The following COG3 variants were observed in gnomAD, a reference collection of about 807,000 sequenced individuals.
The protein encoded by COG3 is component of oligomeric golgi complex 3, also known as conserved oligomeric Golgi complex subunit 3.
Under a neutral mutation model 114.1 loss-of-function variants are expected in COG3, and 32 were observed. That is an observed-to-expected ratio of 0.28 (90% confidence interval 0.21 to 0.38). COG3 has a LOEUF of 0.38. COG3 is among the 10% of genes least tolerant of loss of function. COG3 has a pLI of 1.00. For missense variants in COG3, 813 were observed against 973.2 expected (o/e 0.84, Z 2.19); for synonymous variants, 352 against 365.7 (o/e 0.96, Z 0.43).
chr13:45,530,602 A>G lies in COG3; in HGVS notation c.2359-80A>G, dbSNP rs890153752. 9 of 877,066 alleles carry G rather than the reference A, an allele frequency of 1.0e-5. No homozygotes were observed. The African/African-American group carries it at 1.3e-4, about 13-fold the overall frequency. 54.3% of individuals were successfully genotyped at this position (877,066 alleles called of 1,614,324 possible). On this transcript the variant is annotated intron_variant, in intron 21 of 22. Coordinates refer to ENST00000349995, the MANE Select transcript of COG3 (RefSeq NM_031431.4). ...ACATCGCTTCCACTCGCTTTGGCAA[A>G]TATCATTACAATTTAACATTCATGG...
chr13:45,495,897 TA>T (rs1868709562), intron 12 of COG3, among the ~76,000 whole-genome samples: 1 of 152,134 alleles, frequency 6.6e-6, no homozygotes, highest in Non-Finnish European at 1.5e-5. Flanking sequence ...AAAGCACTCT[TA>T]AAATTCAGAT....
chr13:45,510,388 A>G (rs913964883), intron 15 of COG3, among the ~76,000 whole-genome samples: 3 of 152,292 alleles, frequency 2.0e-5, no homozygotes, highest in African/African-American at 4.8e-5. Flanking sequence ...GATCACCTCT[A>G]CAGACTTAGA....
chr13:45,514,875 C>G (rs1871373989), intron 16 of COG3, among the ~76,000 whole-genome samples: 1 of 151,666 alleles, frequency 6.6e-6, no homozygotes, highest in African/African-American at 2.4e-5. Context: ...TTCTCTGTCT[C>G]CTTACCTCGT....
chr13:45,494,947 G>C (rs1037277515), intron 12 of COG3, among the ~76,000 whole-genome samples: 3 of 145,754 alleles, frequency 2.1e-5, no homozygotes, highest in Non-Finnish European at 4.5e-5. Context: ...CCGGGTTCAA[G>C]TGATTCTCCT....
intron 16 of COG3, among the ~76,000 whole-genome samples, chr13:45,512,274 G>A (rs1459600218): frequency 6.6e-6 from 1 of 152,196 alleles, no homozygotes; most frequent in Admixed American, 6.5e-5. Context: ...TTGAGGACAG[G>A]TAATTGTGGC....
Position 45,527,865 on chromosome 13 carries a change from T to A in COG3, c.2231-1926T>A, listed in dbSNP as rs183284691. Among the ~76,000 whole-genome samples the A allele has an allele frequency of 4.6e-5, 7 of 152,292 alleles. No homozygotes were observed. In the East Asian group the frequency reaches 9.7e-4, roughly 21 times the overall value. On this transcript the variant is annotated intron_variant, in intron 20 of 22. Transcript: ENST00000349995. Reference sequence around the variant, plus strand: ...GTATTAATGAAAAATAAGCAGTTCCTGAATTATTTATTCTTTCTTCCTGAG... The same window carrying A: ...GTATTAATGAAAAATAAGCAGTTCCAGAATTATTTATTCTTTCTTCCTGAG...
intron 17 of COG3, among the ~76,000 whole-genome samples, chr13:45,518,181 T>C (rs1480821935): frequency 6.6e-6 from 1 of 152,228 alleles, no homozygotes; most frequent in Non-Finnish European, 1.5e-5. Context: ...GTTTTTTTCT[T>C]ACTCACTTAA....
chr13:45,530,530 G>A, intron 21 of COG3, 152 bp from the exon 22 acceptor site: 1 of 574,036 alleles, frequency 1.7e-6, no homozygotes, highest in East Asian at 3.0e-5. Flanking sequence ...TGCCAGCACT[G>A]AAATATTAAG....
intron 20 of COG3, among the ~76,000 whole-genome samples, chr13:45,526,076 A>ATTTTTTTTTTTTTTTTTTTTTTT (rs386379016): frequency 1.1e-4 from 6 of 56,572 alleles, no homozygotes; most frequent in Non-Finnish European, 9.1e-5. Context: ...CAAAATTTTA[A>ATTTTTTTTTTTTTTTTTTTTTTT]TTTTTTTTTT....
At chr13:45,505,110 C>G (rs1869979273) in intron 14 of COG3, among the ~76,000 whole-genome samples, 1 of 151,482 alleles carries the variant, frequency 6.6e-6, no homozygotes, top group African/African-American at 2.4e-5. Context: ...TCTCTTGAAC[C>G]CAGGAGGTGG....
At chr13:45,497,164 C>G (rs1323011403) in intron 13 of COG3, among the ~76,000 whole-genome samples, 1 of 152,154 alleles carries the variant, frequency 6.6e-6, no homozygotes, top group African/African-American at 2.4e-5. Flanking sequence ...CATAAAAACC[C>G]TGGAGGCCGT....
chr13:45,471,688 G>T (rs1885493955), intron 1 of COG3, among the ~76,000 whole-genome samples: 1 of 148,536 alleles, frequency 6.7e-6, no homozygotes, highest in East Asian at 1.9e-4. Flanking sequence ...AACATTTCTT[G>T]TAGTATAGGT....
rs1404395094 is a variant in COG3 at position 45,496,090 on chromosome 13, C to T, written c.1328-62C>T. 3.3e-6 allele frequency: 5 copies of T among 1,503,798 alleles called. No homozygotes were observed. The South Asian group carries it at 6.3e-5, about 19-fold the overall frequency. The allele number at this position is 1,503,798 out of a possible 1,614,324, so 93.2% of individuals were successfully genotyped here. A position where few individuals can be genotyped will look rare whatever the true frequency, so the allele number is the denominator to read the frequency against. ...TCTGAACAATTTAGTAACATCTTTG[C>T]TTGTTTAAAAGAAAGTGTTTTTCTA... On this transcript the variant is annotated intron_variant, in intron 12 of 22. Coordinates refer to ENST00000349995, the MANE Select transcript of COG3 (RefSeq NM_031431.4).
chr13:45,535,634 A>G lies in COG3; in HGVS notation c.*903A>G, dbSNP rs1873501634. 1.0e-6 allele frequency: 1 copy of G among 985,496 alleles called. No homozygotes were observed. Among genetic ancestry groups the G allele is most frequent in the African/African-American group, 1.7e-5 (1 of 57,234 alleles). The allele number at this position is 985,496 out of a possible 1,614,324, so 61.0% of individuals were successfully genotyped here. A position where few individuals can be genotyped will look rare whatever the true frequency, so the allele number is the denominator to read the frequency against. ...AGTTCTTTGAAAAGCAAACACTTTC[A>G]TGTCCTGTCTATTCATTCAGCTGGC... On this transcript the variant is annotated 3_prime_UTR_variant, in exon 23 of 23. Coordinates refer to ENST00000349995, the MANE Select transcript of COG3 (RefSeq NM_031431.4).
intron 17 of COG3, among the ~76,000 whole-genome samples, 166 bp from the exon 18 acceptor site, chr13:45,518,596 C>T (rs530846569): frequency 6.6e-6 from 1 of 152,260 alleles, no homozygotes; most frequent in African/African-American, 2.4e-5. Context: ...TCTGTGAGTA[C>T]TGTAGCCATC....
intron 13 of COG3, among the ~76,000 whole-genome samples, chr13:45,500,671 T>G (rs1205455897): frequency 6.6e-6 from 1 of 152,222 alleles, no homozygotes; most frequent in Non-Finnish European, 1.5e-5. Flanking sequence ...ATGATACATT[T>G]GCCACAATTA....
intron 5 of COG3, 142 bp from the exon 6 acceptor site, chr13:45,482,239 G>A (rs1750825237): frequency 1.2e-5 from 6 of 509,002 alleles, no homozygotes; most frequent in South Asian, 2.9e-5. Context: ...GGCTACATTC[G>A]AGGATATTTT....
intron 14 of COG3, among the ~76,000 whole-genome samples, chr13:45,505,172 G>A (rs1458347510): frequency 1.3e-5 from 2 of 150,916 alleles, no homozygotes; most frequent in African/African-American, 2.4e-5. Context: ...GGGCGACAGA[G>A]TGAGACTCCA....
At chr13:45,513,306 A>G (rs1208526106) in intron 16 of COG3, among the ~76,000 whole-genome samples, 1 of 136,620 alleles carries the variant, frequency 7.3e-6, no homozygotes, top group Non-Finnish European at 1.5e-5. Flanking sequence ...TACATATAAT[A>G]TATACATATA....
Sources: gnomAD v4.1 joint callset for allele counts (sites outside exome capture counted in the v4.1 genomes callset) on GRCh38, gnomAD v4.1.1 for gene constraint, MANE v1.5 for transcripts, NCBI Gene and HGNC (gene_info 2026-07-23, HGNC 2026-07-21) for gene names.